Variants in SOX6 observed in about 807,000 individuals in gnomAD.
The protein encoded by SOX6 is transcription factor SOX-6.
Under a neutral mutation model 97.8 loss-of-function variants are expected in SOX6, and 11 were observed. The observed-to-expected ratio is 0.11, with a 90% confidence interval of 0.07 to 0.19. The LOEUF (loss-of-function observed/expected upper bound fraction) is 0.19, where lower values mean the gene tolerates loss of function less well. SOX6 is among the 10% of genes least tolerant of loss of function. The probability of loss-of-function intolerance (pLI) is 1.00; values close to 1 mark genes in which losing one functional copy is unlikely to be tolerated. For synonymous variants in SOX6, 360 were observed against 371.4 expected, an observed-to-expected ratio of 0.97 and a Z score of 0.35; for missense variants, 810 against 1,039.5, an observed-to-expected ratio of 0.78 and a Z score of 3.04.
rs560337557 is a variant in SOX6, at chr11:16,392,772, T to G, written c.-4-51520A>C. On this transcript the variant is annotated intron_variant, in intron 1 of 15. Transcript: ENST00000396356. Reference sequence around the variant, plus strand: ...TGTCTACAGATAAAAACACACCTTTTTTTATTATTCATATGCTTGAGCAAC... The same window carrying G: ...TGTCTACAGATAAAAACACACCTTTGTTTATTATTCATATGCTTGAGCAAC... Among the ~76,000 whole-genome samples, 9 of 152,188 alleles carry G rather than the reference T, an allele frequency of 5.9e-5. No homozygotes were observed. The East Asian group carries it at 1.5e-3, about 26-fold the overall frequency.
chr11:16,244,974 T>C (rs958951830), intron 3 of SOX6, among the ~76,000 whole-genome samples: 1 of 151,754 alleles, frequency 6.6e-6, no homozygotes, highest in Non-Finnish European at 1.5e-5. Context: ...TTAGAATTGG[T>C]TTGCCTACCA....
At chr11:16,366,671 A>T (rs1460311863) in intron 1 of SOX6, among the ~76,000 whole-genome samples, 2 of 152,112 alleles carry the variant, frequency 1.3e-5, no homozygotes, top group Non-Finnish European at 2.9e-5. Flanking sequence ...ATATACACAA[A>T]TTTACTAGGA....
chr11:16,624,790 T>C (rs905373009), intron 3 of SOX6, among the ~76,000 whole-genome samples: 3 of 152,250 alleles, frequency 2.0e-5, no homozygotes, highest in African/African-American at 7.2e-5. Context: ...ATATTTGATA[T>C]TGTCCAGTTT....
At chr11:16,201,188 G>A (rs1161910332) in intron 4 of SOX6, among the ~76,000 whole-genome samples, 2 of 151,276 alleles carry the variant, frequency 1.3e-5, no homozygotes, top group Non-Finnish European at 2.9e-5. Flanking sequence ...TCCAACCTAC[G>A]ACATTTTAAA....
chr11:16,207,593 CAAAA>C (rs11337273), intron 4 of SOX6, among the ~76,000 whole-genome samples: 2 of 129,430 alleles, frequency 1.5e-5, no homozygotes. Flanking sequence ...GACTCCATCT[CAAAA>C]AAAAAAAAAA....
chr11:16,396,432 T>C (rs764069066), intron 1 of SOX6, among the ~76,000 whole-genome samples: 4 of 151,808 alleles, frequency 2.6e-5, no homozygotes, highest in African/African-American at 4.8e-5. Context: ...ACATATAATG[T>C]AGATTTCCGA....
At chr11:16,585,361 T>G (rs1340661085) in intron 4 of SOX6, among the ~76,000 whole-genome samples, 1 of 152,238 alleles carries the variant, frequency 6.6e-6, no homozygotes, top group East Asian at 1.9e-4. Context: ...AGCACTTATA[T>G]GTACTCATTT....
At chr11:16,621,040 CT>C in intron 3 of SOX6, among the ~76,000 whole-genome samples, 1 of 152,108 alleles carries the variant, frequency 6.6e-6, no homozygotes, top group Non-Finnish European at 1.5e-5. Flanking sequence ...ATTTGTGTGC[CT>C]ATATTTGGAA....
At chr11:16,722,509 G>A (rs995515987) in intron 2 of SOX6, among the ~76,000 whole-genome samples, 1 of 152,034 alleles carries the variant, frequency 6.6e-6, no homozygotes, top group Non-Finnish European at 1.5e-5. Flanking sequence ...AAATTAGCTG[G>A]GTGTGGTAGC....
intron 9 of SOX6, among the ~76,000 whole-genome samples, chr11:16,077,779 G>A (rs907803489): frequency 6.6e-6 from 1 of 152,120 alleles, no homozygotes; most frequent in African/African-American, 2.4e-5. Context: ...CCATAAAGAA[G>A]GGAACAACAG....
At chr11:16,510,558 G>A (rs182717461) in intron 4 of SOX6, among the ~76,000 whole-genome samples, 115 of 151,968 alleles carry the variant, frequency 7.6e-4, no homozygotes, top group African/African-American at 2.7e-3. Flanking sequence ...TTTAAAGCAA[G>A]GGCAATTTAG....
intron 3 of SOX6, among the ~76,000 whole-genome samples, chr11:16,250,844 T>C (rs966156205): frequency 1.3e-5 from 2 of 152,046 alleles, no homozygotes; most frequent in Admixed American, 6.6e-5. Flanking sequence ...TATCAAACAT[T>C]ACACTCAACA....
intron 3 of SOX6, among the ~76,000 whole-genome samples, chr11:16,652,424 A>G (rs1488730254): frequency 1.3e-5 from 2 of 152,208 alleles, no homozygotes; most frequent in African/African-American, 2.4e-5. Flanking sequence ...ACATAGACCA[A>G]TGAAACAAAA....
intron 1 of SOX6, among the ~76,000 whole-genome samples, chr11:16,412,207 A>G (rs1392221571): frequency 6.6e-6 from 1 of 152,234 alleles, no homozygotes; most frequent in South Asian, 2.1e-4. Context: ...GACAATGCTA[A>G]TAACATTATT....
At chr11:16,123,008 G>C (rs1849529569) in intron 6 of SOX6, among the ~76,000 whole-genome samples, 1 of 151,990 alleles carries the variant, frequency 6.6e-6, no homozygotes, top group Non-Finnish European at 1.5e-5. Flanking sequence ...CAGTTGGTAA[G>C]AAAATATAAA....
intron 4 of SOX6, chr11:16,484,398 C>A: frequency 2.5e-6 from 2 of 790,234 alleles, no homozygotes. Context: ...TTCTGGCAGG[C>A]TCCTTTAACC....
At chr11:16,589,312 A>G (rs1848125976) in intron 4 of SOX6, among the ~76,000 whole-genome samples, 1 of 152,228 alleles carries the variant, frequency 6.6e-6, no homozygotes, top group Non-Finnish European at 1.5e-5. Context: ...TTTAAATGTA[A>G]GAAAAATTAA....
In SOX6 at chr11:16,494,860, C is replaced by T. The variant is rs543492654; in HGVS notation, n.610-18472G>A. Among the ~76,000 whole-genome samples, 6 of 152,298 alleles carry T rather than the reference C, an allele frequency of 3.9e-5. No homozygotes were observed. The South Asian group carries it at 1.2e-3, about 32-fold the overall frequency. Reference sequence around the variant, plus strand: ...CAACCTTGGTGGGCACTGAGACTAACACAGGAAGCTGCCAGGAGACCACGT... The same window carrying T: ...CAACCTTGGTGGGCACTGAGACTAATACAGGAAGCTGCCAGGAGACCACGT... On this transcript the variant is annotated intron_variant and non_coding_transcript_variant, in intron 4 of 5. Coordinates refer to the SOX6 transcript ENST00000524520.
intron 4 of SOX6, among the ~76,000 whole-genome samples, chr11:16,598,191 GTAT>G (rs991125121): frequency 2.6e-5 from 4 of 151,758 alleles, no homozygotes; most frequent in African/African-American, 7.3e-5. Context: ...TATGATATAG[GTAT>G]TATTATTATT....
Sources: allele counts gnomAD v4.1 joint callset (sites outside exome capture counted in the v4.1 genomes callset), GRCh38; gene constraint gnomAD v4.1.1; transcripts MANE v1.5; gene names NCBI Gene and HGNC (gene_info 2026-07-23, HGNC 2026-07-21).